The following VIPR2 variants were observed in gnomAD, a reference collection of about 807,000 sequenced individuals.
The protein encoded by VIPR2 is vasoactive intestinal peptide receptor 2.
A neutral mutation model predicts 58.0 loss-of-function variants in VIPR2; 48 were observed. That is an observed-to-expected ratio of 0.83 (90% CI 0.66 to 1.05). The LOEUF is 1.05. VIPR2 is among the 50% of genes least tolerant of loss of function. The pLI is 0.00. For missense variants in VIPR2, 534 were observed against 558.0 expected (o/e 0.96, Z 0.43); for synonymous variants, 243 against 235.2 (o/e 1.03, Z -0.30).
At chr7:159,056,419 CAG>C (rs1045003065) in intron 5 of VIPR2, among the ~76,000 whole-genome samples, 14 of 152,278 alleles carry the variant, frequency 9.2e-5, no homozygotes, top group African/African-American at 3.4e-4. Context: ...AAAACATTCT[CAG>C]AGAAGTGGAC....
At position 159,061,493 on chromosome 7, in the gene VIPR2, T is replaced by A. The variant is rs371104431; in HGVS notation, c.358-2915A>T. 2.0e-5 allele frequency among the ~76,000 whole-genome samples: 3 copies of A among 150,544 alleles called. No individual in the cohort carries two copies. The South Asian group carries it at 6.4e-4, about 32-fold the overall frequency. ...GACACCCCCGTCTCCATAAAAAAAA[T>A]GGAAAAATAATTAGCCGGGTGTGGC... is the stretch of plus-strand genomic sequence containing the variant. On this transcript the variant is annotated intron_variant, in intron 4 of 12. Transcript: ENST00000262178.
At position 159,128,650 on chromosome 7, in the gene VIPR2, G is replaced by A. The variant is rs1796746285; in HGVS notation, c.151+13796C>T. On this transcript the variant is annotated intron_variant, in intron 2 of 12. Transcript: ENST00000262178. This position sits in a 1 kb window ranked among gnomAD's most constrained non-coding sequence, Gnocchi z 4.1. The stretch of plus-strand genomic sequence containing the variant: ...GTCCTGCCCTTCCCACACTTACCAC[G>A]AGGGCATCTCCATCTCCCACCTGGA... Among the ~76,000 whole-genome samples, 1 of 152,136 alleles carries A rather than the reference G, an allele frequency of 6.6e-6. No homozygotes were observed. The highest frequency in any genetic ancestry group is 1.5e-5 in the Non-Finnish European group (1 of 68,016).
intron 2 of VIPR2, among the ~76,000 whole-genome samples, chr7:159,137,736 C>T (rs141779066): frequency 0.061 from 9,254 of 151,972 alleles, 357 homozygotes; most frequent in African/African-American, 0.12. Context: ...ATATCCAAGA[C>T]GAGGAAATGA....
At chr7:159,134,420 G>A (rs912424599) in intron 2 of VIPR2, among the ~76,000 whole-genome samples, 1 of 151,978 alleles carries the variant, frequency 6.6e-6, no homozygotes, top group Non-Finnish European at 1.5e-5. Context: ...TGTGTTTAAG[G>A]AAAAAGAGAG....
In VIPR2 at chr7:159,095,302, GA is replaced by G. The variant is rs1474637418; in HGVS notation, c.357+8454del. 2.6e-5 allele frequency among the ~76,000 whole-genome samples: 4 copies of G among 152,222 alleles called. No individual in the cohort carries two copies. The highest frequency in any genetic ancestry group is 2.6e-4 in the Admixed American group (4 of 15,284). On this transcript the variant is annotated intron_variant, in intron 4 of 12. Coordinates refer to ENST00000262178, the MANE Select transcript of VIPR2 (RefSeq NM_003382.5). The surrounding 1 kb of genome is among the most constrained non-coding windows in gnomAD (Gnocchi z 5.2). ...AGGGGATTCCTAACATTTAAGGGGT[GA>G]AAAGGCGTGTGTGCAAGTGACTGTG...
At chr7:159,044,183 T>G (rs1854508867) in intron 5 of VIPR2, among the ~76,000 whole-genome samples, 1 of 152,128 alleles carries the variant, frequency 6.6e-6, no homozygotes. Flanking sequence ...GTTTTTTATC[T>G]CTTTGACTCC....
chr7:159,117,410 T>C (rs1200861826), intron 2 of VIPR2: 1 of 717,300 alleles, frequency 1.4e-6, no homozygotes, highest in Non-Finnish European at 2.6e-6. Context: ...GTATGGCCTG[T>C]GAACAGACAG....
At chr7:159,054,849 T>C (rs1397278010) in intron 5 of VIPR2, among the ~76,000 whole-genome samples, 1 of 152,242 alleles carries the variant, frequency 6.6e-6, no homozygotes, top group Non-Finnish European at 1.5e-5. Context: ...CTATGTGGTA[T>C]GATGATCCCA....
chr7:159,088,893 C>T (rs542557464), intron 4 of VIPR2, among the ~76,000 whole-genome samples: 1 of 60,396 alleles, frequency 1.7e-5, no homozygotes, highest in African/African-American at 4.6e-5. Flanking sequence ...CCTCAGGCCT[C>T]GGCTCCTCAT....
chr7:159,055,795 C>T (rs541375911), intron 5 of VIPR2, among the ~76,000 whole-genome samples: 180 of 152,278 alleles, frequency 1.2e-3, no homozygotes, highest in African/African-American at 4.2e-3. Context: ...AGCAAGCCAT[C>T]CAAATACATG....
chr7:159,051,118 C>A (rs1244306046), intron 5 of VIPR2, among the ~76,000 whole-genome samples: 1 of 152,126 alleles, frequency 6.6e-6, no homozygotes, highest in Non-Finnish European at 1.5e-5. Context: ...AATCTTCCTG[C>A]AGTAGGAAAA....
chr7:159,050,807 T>A (rs1270949983), intron 5 of VIPR2, among the ~76,000 whole-genome samples: 1 of 151,898 alleles, frequency 6.6e-6, no homozygotes, highest in Non-Finnish European at 1.5e-5. Context: ...AGGAGAAATG[T>A]GAAGAAAACC....
chr7:159,091,689 G>A (rs970366126), intron 4 of VIPR2, among the ~76,000 whole-genome samples: 18 of 152,226 alleles, frequency 1.2e-4, no homozygotes, highest in East Asian at 3.9e-4. Context: ...TGTGGTTCCC[G>A]GGACGCGAGC....
chr7:159,034,077 C>CT (rs765289697), intron 10 of VIPR2, 136 bp downstream of exon 10: 5 of 795,800 alleles, frequency 6.3e-6, no homozygotes, highest in Non-Finnish European at 1.0e-5. Flanking sequence ...GAGCAGAGCC[C>CT]TGGGGCCCAG....
intron 4 of VIPR2, among the ~76,000 whole-genome samples, chr7:159,062,027 A>AAC (rs1256080901): frequency 6.6e-6 from 1 of 152,162 alleles, no homozygotes; most frequent in African/African-American, 2.4e-5. Context: ...GCGGAGCCCC[A>AAC]TCCCGAGGGC....
intron 2 of VIPR2, among the ~76,000 whole-genome samples, chr7:159,118,882 G>A (rs914873925): frequency 6.6e-6 from 1 of 152,226 alleles, no homozygotes; most frequent in Non-Finnish European, 1.5e-5. Flanking sequence ...CGAGGCCTGG[G>A]TGTGCGGCAC....
chr7:159,067,820 G>A (rs2129494419), intron 4 of VIPR2, among the ~76,000 whole-genome samples: 1 of 152,350 alleles, frequency 6.6e-6, no homozygotes, highest in African/African-American at 2.4e-5. Flanking sequence ...AAGGAGAAGG[G>A]TGAAAGATAA....
At chr7:159,055,362 C>T (rs148881687) in intron 5 of VIPR2, among the ~76,000 whole-genome samples, 1 of 152,196 alleles carries the variant, frequency 6.6e-6, no homozygotes, top group Admixed American at 6.5e-5. Context: ...TATCCCACAT[C>T]TCGATCTGGT....
At chr7:159,094,739 C>T (rs1021278018) in intron 4 of VIPR2, among the ~76,000 whole-genome samples, 1 of 152,186 alleles carries the variant, frequency 6.6e-6, no homozygotes, top group Non-Finnish European at 1.5e-5. Flanking sequence ...GTGCCACACA[C>T]CTTATTTTAA....
Sources: allele counts gnomAD v4.1 joint callset (sites outside exome capture counted in the v4.1 genomes callset), GRCh38; gene constraint gnomAD v4.1.1; non-coding constraint Gnocchi (gnomAD v3.1); transcripts MANE v1.5; gene names NCBI Gene and HGNC (gene_info 2026-07-23, HGNC 2026-07-21).